Variants in TBL1XR1 observed in about 807,000 individuals in gnomAD.
TBL1XR1 encodes the protein F-box-like/WD repeat-containing protein TBL1XR1.
Under a neutral mutation model 66.9 loss-of-function variants are expected in TBL1XR1, and 5 were observed. The observed-to-expected ratio is 0.07, with a 90% CI of 0.04 to 0.16. The LOEUF (loss-of-function observed/expected upper bound fraction) is 0.16, where lower values mean the gene tolerates loss of function less well. TBL1XR1 is among the 10% of genes least tolerant of loss of function. TBL1XR1 has a pLI of 1.00. For missense variants in TBL1XR1, 238 were observed against 623.2 expected (o/e 0.38, Z 6.58); for synonymous variants, 210 against 206.0 (o/e 1.02, Z -0.17).
chr3:177,186,591 C>CA (rs1375319904), intron 1 of TBL1XR1, among the ~76,000 whole-genome samples: 1 of 152,184 alleles, frequency 6.6e-6, no homozygotes, highest in African/African-American at 2.4e-5. Context: ...TAAAACATCT[C>CA]TCCCTAACCC....
intron 1 of TBL1XR1, among the ~76,000 whole-genome samples, chr3:177,099,055 G>A (rs774026235): frequency 1.2e-4 from 18 of 151,952 alleles, no homozygotes; most frequent in South Asian, 4.2e-4. Flanking sequence ...TCCACAAACC[G>A]TTTGTGTAAA....
intron 1 of TBL1XR1, among the ~76,000 whole-genome samples, chr3:177,144,717 C>T (rs537916815): frequency 1.3e-5 from 2 of 151,806 alleles, no homozygotes; most frequent in South Asian, 4.2e-4. Flanking sequence ...TGCACCACTG[C>T]ACTCCAGCCT....
At chr3:177,036,286 T>C (rs749439678) in intron 12 of TBL1XR1, among the ~76,000 whole-genome samples, 3 of 152,230 alleles carry the variant, frequency 2.0e-5, no homozygotes, top group Non-Finnish European at 2.9e-5. Context: ...ATTCCCAGTT[T>C]TTAATCTTGA....
At chr3:177,105,503 T>C (rs192835225) in intron 1 of TBL1XR1, among the ~76,000 whole-genome samples, 1 of 152,226 alleles carries the variant, frequency 6.6e-6, no homozygotes, top group Non-Finnish European at 1.5e-5. Flanking sequence ...TACATCTTAA[T>C]AGATTTCTCA....
At chr3:177,025,613 TTC>T (rs1713000456) in intron 15 of TBL1XR1, 89 bp from the exon 16 acceptor site, 1 of 1,267,280 alleles carries the variant, frequency 7.9e-7, no homozygotes, top group South Asian at 1.3e-5. Context: ...TTTGAAATGT[TTC>T]TTAGTTCCAA....
intron 2 of TBL1XR1, among the ~76,000 whole-genome samples, chr3:177,071,031 G>GTGTTTTTTTTT: frequency 9.5e-6 from 1 of 104,714 alleles, no homozygotes; most frequent in Non-Finnish European, 1.8e-5. Context: ...CTGAGAATCT[G>GTGTTTTTTTTT]TTTTTTTTTT....
At chr3:177,181,163 T>C (rs926061082) in intron 1 of TBL1XR1, among the ~76,000 whole-genome samples, 1 of 152,112 alleles carries the variant, frequency 6.6e-6, no homozygotes, top group East Asian at 1.9e-4. Context: ...TCCTCTATTC[T>C]CCAACTCTGT....
chr3:177,158,649 G>C (rs1731810061), intron 1 of TBL1XR1, among the ~76,000 whole-genome samples: 2 of 152,204 alleles, frequency 1.3e-5, no homozygotes, highest in African/African-American at 4.8e-5. Context: ...TTGCTCCCAG[G>C]AGACATTTCA....
chr3:177,168,438 T>C (rs1050549389), intron 1 of TBL1XR1, among the ~76,000 whole-genome samples: 1 of 152,042 alleles, frequency 6.6e-6, no homozygotes, highest in Non-Finnish European at 1.5e-5. Context: ...CCCGACACCA[T>C]ACCCAGCTAA....
chr3:177,154,508 A>G (rs899157029), intron 1 of TBL1XR1, among the ~76,000 whole-genome samples: 4 of 152,076 alleles, frequency 2.6e-5, no homozygotes, highest in Admixed American at 1.3e-4. Context: ...GAGATTCTCC[A>G]GCCTCAGCTT....
rs369395976 is a variant in TBL1XR1 at position 177,123,158 on chromosome 3, G to T, written c.-121-24617C>A. ...TGGTCCATTCAAAAACAGACAAAAA[G>T]AAAATCTTGATTAGTATATTGTAAT... is the stretch of plus-strand genomic sequence containing the variant. On this transcript the variant is annotated intron_variant, in intron 1 of 15. Transcript: ENST00000457928. Among the ~76,000 whole-genome samples the T allele has an allele frequency of 1.1e-4, 16 of 152,088 alleles. 1 individual carries two copies. In the East Asian group the frequency reaches 2.3e-3, roughly 22 times the overall value.
At position 177,019,919 on chromosome 3, in the gene TBL1XR1, G is replaced by A. The variant is rs1423124040; in HGVS notation, c.*5579C>T. On this transcript the variant is annotated 3_prime_UTR_variant, in exon 16 of 16. Transcript: ENST00000457928. ...TATTTCTAATAAAACATAAAACTAT[G>A]CTTGAATTTATTTCTGTTTAAGGAA... is the stretch of plus-strand genomic sequence containing the variant. 6.6e-6 allele frequency: 1 copy of A among 150,728 alleles called. No individual in the cohort carries two copies. Among genetic ancestry groups the A allele is most frequent in the East Asian group, 1.9e-4 (1 of 5,146 alleles). The allele number at this position is 150,728 out of a possible 1,614,324, so 9.3% of individuals were successfully genotyped here.
chr3:177,112,086 TA>T (rs1560188326), intron 1 of TBL1XR1, among the ~76,000 whole-genome samples: 11 of 42,638 alleles, frequency 2.6e-4, no homozygotes, highest in East Asian at 1.7e-3. Flanking sequence ...TATATATATA[TA>T]TATATATATA....
intron 1 of TBL1XR1, among the ~76,000 whole-genome samples, chr3:177,112,516 A>C (rs1189044021): frequency 6.6e-6 from 1 of 152,160 alleles, no homozygotes; most frequent in East Asian, 1.9e-4. Context: ...TGAGATCGGA[A>C]ATGGTTAAAC....
At chr3:177,081,321 A>G (rs2108604958) in intron 2 of TBL1XR1, among the ~76,000 whole-genome samples, 1 of 152,348 alleles carries the variant, frequency 6.6e-6, no homozygotes, top group African/African-American at 2.4e-5. Context: ...TGGTATTATG[A>G]TGGCAAATAA....
chr3:177,197,328 G>A lies in TBL1XR1; in HGVS notation c.-329C>T. ...GCGGGGAGCGCGGCGCGGGTCCCCA[G>A]GTGGCGAGCGGAGGTGCTCCCGCCG... is the stretch of plus-strand genomic sequence containing the variant. On this transcript the variant is annotated 5_prime_UTR_variant, in exon 1 of 16. Coordinates refer to ENST00000457928, the MANE Select transcript of TBL1XR1 (RefSeq NM_024665.7). 6.8e-6 allele frequency: 1 copy of A among 147,390 alleles called. No individual in the cohort carries two copies. The highest frequency in any genetic ancestry group is 1.5e-5 in the Non-Finnish European group (1 of 65,914). The allele number at this position is 147,390 out of a possible 1,614,324, so 9.1% of individuals were successfully genotyped here.
At chr3:177,088,070 C>A (rs1722371726) in intron 2 of TBL1XR1, among the ~76,000 whole-genome samples, 1 of 152,154 alleles carries the variant, frequency 6.6e-6, no homozygotes, top group South Asian at 2.1e-4. Flanking sequence ...GTATTTTATT[C>A]CTGAATAGTG....
chr3:177,037,871 T>C, intron 12 of TBL1XR1: 1 of 472,460 alleles, frequency 2.1e-6, no homozygotes, highest in Non-Finnish European at 3.8e-6. Context: ...TCTCATTGTA[T>C]CACAAGCCAT....
intron 1 of TBL1XR1, among the ~76,000 whole-genome samples, chr3:177,149,709 T>C (rs1434568311): frequency 1.3e-5 from 2 of 152,054 alleles, no homozygotes; most frequent in African/African-American, 2.4e-5. Flanking sequence ...CATTTCTAAA[T>C]GGTTGGGGGG....
Sources: gnomAD v4.1 joint callset for allele counts (sites outside exome capture counted in the v4.1 genomes callset) on GRCh38, gnomAD v4.1.1 for gene constraint, MANE v1.5 for transcripts, NCBI Gene and HGNC (gene_info 2026-07-23, HGNC 2026-07-21) for gene names.